Variants in ITFG1 observed in about 807,000 individuals in gnomAD.
The protein encoded by ITFG1 is T-cell immunomodulatory protein.
A neutral mutation model predicts 81.8 loss-of-function variants in ITFG1; 34 were observed. The observed-to-expected ratio is 0.42, with a 90% CI of 0.32 to 0.55. The LOEUF is 0.55. Ranked by LOEUF, ITFG1 falls within the 20% of genes least tolerant of loss-of-function variation. The pLI is 0.17. For missense variants in ITFG1, 672 were observed against 755.4 expected (o/e 0.89, Z 1.29); for synonymous variants, 285 against 270.6 (o/e 1.05, Z -0.52).
chr16:47,318,954 C>CA (rs1185936317), intron 8 of ITFG1, among the ~76,000 whole-genome samples: 1 of 152,112 alleles, frequency 6.6e-6, no homozygotes, highest in Non-Finnish European at 1.5e-5. Flanking sequence ...TCAAACTCAA[C>CA]AAGTAATTTT....
At chr16:47,279,578 A>G (rs1966432089) in intron 10 of ITFG1, among the ~76,000 whole-genome samples, 1 of 152,076 alleles carries the variant, frequency 6.6e-6, no homozygotes, top group Non-Finnish European at 1.5e-5. Flanking sequence ...TGATTTCTCC[A>G]ATTTTATATT....
intron 14 of ITFG1, among the ~76,000 whole-genome samples, chr16:47,168,550 T>C (rs933073701): frequency 1.4e-5 from 2 of 147,588 alleles, no homozygotes; most frequent in Non-Finnish European, 3.0e-5. Context: ...TAAAAGTTTT[T>C]TTTTTTTTTT....
intron 12 of ITFG1, among the ~76,000 whole-genome samples, chr16:47,248,901 T>TCTA (rs1351096400): frequency 6.6e-6 from 1 of 152,202 alleles, no homozygotes; most frequent in Non-Finnish European, 1.5e-5. Flanking sequence ...ATTCTAGCCT[T>TCTA]CTACTATTTG....
intron 14 of ITFG1, among the ~76,000 whole-genome samples, chr16:47,188,293 A>G (rs1272980780): frequency 1.3e-5 from 2 of 152,122 alleles, no homozygotes; most frequent in Non-Finnish European, 1.5e-5. Context: ...AAATCATGCT[A>G]CTATAAAGAC....
intron 8 of ITFG1, among the ~76,000 whole-genome samples, chr16:47,333,127 A>T (rs917970687): frequency 2.6e-5 from 4 of 152,174 alleles, no homozygotes. Context: ...GGGATGGAAG[A>T]AGGAAATTGA....
Position 47,290,596 on chromosome 16 carries a change from T to A in ITFG1, c.1070+20644A>T, listed in dbSNP as rs566660436. On this transcript the variant is annotated intron_variant, in intron 10 of 17. Transcript: ENST00000320640. ...GTCTGTTTTTAGAGTTTTTAAAAAG[T>A]CTGTTTTTTATAAATAAATGTAGCG... Among the ~76,000 whole-genome samples, 3 of 152,302 alleles carry A rather than the reference T, an allele frequency of 2.0e-5. No individual in the cohort carries two copies. In the East Asian group the frequency reaches 5.8e-4, roughly 29 times the overall value.
At chr16:47,247,181 T>C (rs1050434091) in intron 12 of ITFG1, among the ~76,000 whole-genome samples, 2 of 152,190 alleles carry the variant, frequency 1.3e-5, no homozygotes, top group Admixed American at 6.5e-5. Context: ...TGAAAAACAT[T>C]AGGTTTCTTG....
intron 8 of ITFG1, among the ~76,000 whole-genome samples, chr16:47,357,475 C>A (rs1258646594): frequency 6.6e-6 from 1 of 151,732 alleles, no homozygotes; most frequent in Non-Finnish European, 1.5e-5. Flanking sequence ...ATTAGCCGGG[C>A]GTGGTGGTGG....
intron 6 of ITFG1, among the ~76,000 whole-genome samples, chr16:47,423,142 T>G (rs1326953617): frequency 6.6e-6 from 1 of 152,210 alleles, no homozygotes; most frequent in Non-Finnish European, 1.5e-5. Flanking sequence ...GATAGTTAGC[T>G]CTTCTTGTTG....
chr16:47,172,587 C>T (rs970380143), intron 14 of ITFG1, among the ~76,000 whole-genome samples: 6 of 152,076 alleles, frequency 3.9e-5, no homozygotes, highest in African/African-American at 1.4e-4. Context: ...TCCACTTAGT[C>T]ATGCCAGTAA....
chr16:47,161,133 G>A (rs1420929548), intron 16 of ITFG1, among the ~76,000 whole-genome samples: 1 of 152,150 alleles, frequency 6.6e-6, no homozygotes. Flanking sequence ...AAATAAAAAT[G>A]AATAAAATTT....
At chr16:47,158,543 T>A (rs1196407871) in intron 17 of ITFG1, among the ~76,000 whole-genome samples, 3 of 152,268 alleles carry the variant, frequency 2.0e-5, no homozygotes, top group Admixed American at 6.5e-5. Context: ...CACGTTCATT[T>A]TTTAAAATCA....
intron 8 of ITFG1, among the ~76,000 whole-genome samples, chr16:47,323,450 G>C (rs1967479681): frequency 6.6e-6 from 1 of 152,132 alleles, no homozygotes; most frequent in African/African-American, 2.4e-5. Context: ...GTCCCCACCA[G>C]GAGGACTCTG....
chr16:47,448,549 T>C (rs1032212102), intron 5 of ITFG1: 68 of 151,788 alleles, frequency 4.5e-4, no homozygotes, highest in African/African-American at 1.6e-3. Flanking sequence ...TATCTCCAAG[T>C]ATACAACTTG....
At chr16:47,259,639 CACTTA>C (rs1966182066) in intron 11 of ITFG1, among the ~76,000 whole-genome samples, 2 of 152,240 alleles carry the variant, frequency 1.3e-5, no homozygotes, top group African/African-American at 4.8e-5. Context: ...TCCTATTGGG[CACTTA>C]ACTTTTAAAA....
At chr16:47,351,638 CG>C (rs1967957029) in intron 8 of ITFG1, among the ~76,000 whole-genome samples, 1 of 152,044 alleles carries the variant, frequency 6.6e-6, no homozygotes, top group South Asian at 2.1e-4. Flanking sequence ...CATTCTGCCC[CG>C]GGCAATTTAT....
chr16:47,455,207 A>C (rs551479906), intron 2 of ITFG1, among the ~76,000 whole-genome samples: 1 of 152,360 alleles, frequency 6.6e-6, no homozygotes, highest in African/African-American at 2.4e-5. Flanking sequence ...CCACTAGGCA[A>C]TACATTTCCA....
intron 6 of ITFG1, chr16:47,425,946 C>A (rs1443066898): frequency 1.3e-5 from 2 of 151,976 alleles, no homozygotes; most frequent in Non-Finnish European, 2.9e-5. Flanking sequence ...TATCCTTTGT[C>A]CTTTCTTTAT....
intron 4 of ITFG1, among the ~76,000 whole-genome samples, chr16:47,451,806 C>A (rs1157695363): frequency 6.6e-6 from 1 of 152,178 alleles, no homozygotes; most frequent in African/African-American, 2.4e-5. Context: ...TTGACCCACA[C>A]TGGACATATA....
Sources: allele counts gnomAD v4.1 joint callset (sites outside exome capture counted in the v4.1 genomes callset), GRCh38; gene constraint gnomAD v4.1.1; transcripts MANE v1.5; gene names NCBI Gene and HGNC (gene_info 2026-07-23, HGNC 2026-07-21).